Variants in SNX29 observed in about 807,000 individuals in gnomAD.
SNX29 encodes sorting nexin 29, also known as sorting nexin-29.
A neutral mutation model predicts 102.1 loss-of-function variants in SNX29; 78 were observed. The observed-to-expected ratio is 0.76, with a 90% CI of 0.64 to 0.92. The LOEUF is 0.92. Ranked by LOEUF, SNX29 falls within the 40% of genes least tolerant of loss-of-function variation. The pLI is 0.00. For synonymous variants in SNX29, 580 were observed against 414.5 expected (o/e 1.40, Z -4.85); for missense variants, 1,280 against 1,061.7 (o/e 1.21, Z -2.86).
chr16:12,540,031 G>C (rs964106895), intron 20 of SNX29, among the ~76,000 whole-genome samples: 1 of 152,100 alleles, frequency 6.6e-6, no homozygotes, highest in African/African-American at 2.4e-5. Context: ...TTTTAATTTT[G>C]ATGAAATTTA....
chr16:12,543,313 C>G (rs762015160), intron 20 of SNX29, among the ~76,000 whole-genome samples: 1 of 152,154 alleles, frequency 6.6e-6, no homozygotes, highest in Admixed American at 6.5e-5. Context: ...GAATGGAGCA[C>G]CTTGATTAGC....
chr16:12,548,901 C>G (rs1048404380), intron 20 of SNX29, among the ~76,000 whole-genome samples: 2 of 152,218 alleles, frequency 1.3e-5, no homozygotes, highest in Non-Finnish European at 2.9e-5. Flanking sequence ...GCAGCACTCA[C>G]TCGGGCTGTA....
At chr16:12,135,595 C>A in intron 13 of SNX29, 2 of 1,342,330 alleles carry the variant, frequency 1.5e-6, no homozygotes, top group East Asian at 3.8e-5. Flanking sequence ...CACGTGAGAA[C>A]CATGTGGTGG....
intron 20 of SNX29, among the ~76,000 whole-genome samples, chr16:12,544,278 T>A (rs1416802471): frequency 6.6e-6 from 1 of 152,014 alleles, no homozygotes; most frequent in East Asian, 1.9e-4. Flanking sequence ...GACTTTACAC[T>A]CTCAGTACGG....
intron 13 of SNX29, among the ~76,000 whole-genome samples, chr16:12,176,367 C>T (rs1873441629): frequency 6.6e-6 from 1 of 152,134 alleles, no homozygotes. Context: ...TTCCGTGCCC[C>T]GGTTTCCATT....
intron 18 of SNX29, among the ~76,000 whole-genome samples, chr16:12,415,787 C>A (rs2084609309): frequency 1.3e-5 from 2 of 152,226 alleles, no homozygotes; most frequent in South Asian, 4.1e-4. Flanking sequence ...ACACCACACA[C>A]TCCCTGTGCT....
intron 13 of SNX29, among the ~76,000 whole-genome samples, chr16:12,180,579 G>T (rs2076360527): frequency 6.6e-6 from 1 of 151,910 alleles, no homozygotes; most frequent in Non-Finnish European, 1.5e-5. Flanking sequence ...CGCCTCCCGG[G>T]TTCACGCCAT....
intron 18 of SNX29, among the ~76,000 whole-genome samples, chr16:12,477,075 A>T (rs982245700): frequency 1.3e-4 from 20 of 152,202 alleles, no homozygotes; most frequent in Admixed American, 1.2e-3. Flanking sequence ...CAAAAAGCTG[A>T]TGAAACAGCC....
chr16:12,152,680 C>T (rs1454957005), intron 13 of SNX29, among the ~76,000 whole-genome samples: 1 of 152,208 alleles, frequency 6.6e-6, no homozygotes, highest in African/African-American at 2.4e-5. Context: ...ACCAGTCAGG[C>T]TGAGAGATGA....
At chr16:12,532,222 A>C (rs1205894213) in intron 20 of SNX29, among the ~76,000 whole-genome samples, 1 of 152,210 alleles carries the variant, frequency 6.6e-6, no homozygotes, top group Non-Finnish European at 1.5e-5. Context: ...TGTTTATGTA[A>C]ATTGTGTACT....
chr16:12,229,285 A>G (rs937928347), intron 14 of SNX29, among the ~76,000 whole-genome samples: 4 of 152,258 alleles, frequency 2.6e-5, no homozygotes, highest in African/African-American at 9.6e-5. Context: ...GGCACATAGT[A>G]GGTGTTCAGT....
intron 20 of SNX29, among the ~76,000 whole-genome samples, chr16:12,564,562 A>C (rs1412265489): frequency 6.6e-6 from 1 of 152,160 alleles, no homozygotes; most frequent in Non-Finnish European, 1.5e-5. Flanking sequence ...ACCCATTCTT[A>C]TGGATTGCCA....
intron 3 of SNX29, among the ~76,000 whole-genome samples, chr16:12,015,482 C>T (rs1050321779): frequency 6.6e-5 from 10 of 152,004 alleles, no homozygotes; most frequent in Admixed American, 3.3e-4. Flanking sequence ...TCGTGATCTG[C>T]CCGCCTCAGC....
Position 12,572,773 on chromosome 16 carries a change from C to T in SNX29, c.*4144C>T. Reference sequence around the variant, plus strand: ...TTCAGCTTCTGGGACCCGAGGAAGACCCCACCTCACTCCTCCTTCCCCAGT... The same window carrying T: ...TTCAGCTTCTGGGACCCGAGGAAGATCCCACCTCACTCCTCCTTCCCCAGT... On this transcript the variant is annotated 3_prime_UTR_variant, in exon 21 of 21. Coordinates refer to ENST00000566228, the MANE Select transcript of SNX29 (RefSeq NM_032167.5). 2 of 1,063,858 alleles carry T rather than the reference C, an allele frequency of 1.9e-6. No individual in the cohort carries two copies. The highest frequency in any genetic ancestry group is 2.3e-6 in the Non-Finnish European group (2 of 878,308). The allele number at this position is 1,063,858 out of a possible 1,614,324, so 65.9% of individuals were successfully genotyped here.
At chr16:12,463,087 G>C (rs998841311) in intron 18 of SNX29, among the ~76,000 whole-genome samples, 1 of 152,214 alleles carries the variant, frequency 6.6e-6, no homozygotes, top group African/African-American at 2.4e-5. Context: ...TGCTGCTGCT[G>C]CCCATGCTGA....
intron 13 of SNX29, among the ~76,000 whole-genome samples, chr16:12,165,517 A>T (rs2055981124): frequency 6.6e-6 from 1 of 152,202 alleles, no homozygotes; most frequent in Non-Finnish European, 1.5e-5. Context: ...CTCCTTTTAC[A>T]GGTTTGTTTT....
At chr16:12,032,920 T>A (rs1329563198) in intron 4 of SNX29, among the ~76,000 whole-genome samples, 1 of 152,092 alleles carries the variant, frequency 6.6e-6, no homozygotes, top group Admixed American at 6.6e-5. Context: ...TGGAGTGTGA[T>A]CTTGGCTCAC....
intron 14 of SNX29, among the ~76,000 whole-genome samples, chr16:12,274,538 C>G (rs1387554158): frequency 6.6e-6 from 1 of 150,866 alleles, no homozygotes. Flanking sequence ...TTCTCCCCAC[C>G]TCTTTTTTTT....
At chr16:12,043,749 T>C (rs559837853) in intron 5 of SNX29, among the ~76,000 whole-genome samples, 1 of 60,406 alleles carries the variant, frequency 1.7e-5, no homozygotes, top group African/African-American at 5.2e-5. Flanking sequence ...ATTTTTTTTG[T>C]TGTTGTTTGT....
Sources: allele counts gnomAD v4.1 joint callset (sites outside exome capture counted in the v4.1 genomes callset), GRCh38; gene constraint gnomAD v4.1.1; transcripts MANE v1.5; gene names NCBI Gene and HGNC (gene_info 2026-07-23, HGNC 2026-07-21).